KAZN: variants seen among roughly 807,000 people sequenced by gnomAD.
The protein encoded by KAZN is kazrin, periplakin interacting protein, also known as kazrin.
A neutral mutation model predicts 87.4 loss-of-function variants in KAZN; 40 were observed. That is an observed-to-expected ratio of 0.46 (90% CI 0.36 to 0.60). The LOEUF is 0.60. KAZN is among the 20% of genes least tolerant of loss of function. The pLI, the probability that KAZN is intolerant of heterozygous loss-of-function variation, is 0.00. For missense variants in KAZN, 898 were observed against 1,073.9 expected (o/e 0.84, Z 2.29); for synonymous variants, 466 against 458.3 (o/e 1.02, Z -0.22).
intron 8 of KAZN, among the ~76,000 whole-genome samples, chr1:15,090,509 G>A (rs1431379210): frequency 6.6e-6 from 1 of 152,236 alleles, no homozygotes; most frequent in Non-Finnish European, 1.5e-5. Flanking sequence ...CTGCCGGCCT[G>A]CACCCCGGCC....
chr1:14,980,051 G>A lies in KAZN; in HGVS notation c.418+19176G>A, dbSNP rs561036271. ...CTACAGTTGCAAGCCACCACACCTG[G>A]CTAATTTTTGTATTTTTAGTAGAGA... On this transcript the variant is annotated intron_variant, in intron 2 of 14. Transcript: ENST00000376030. Among the ~76,000 whole-genome samples, 15 of 152,046 alleles carry A rather than the reference G, an allele frequency of 9.9e-5. No homozygotes were observed. The South Asian group carries it at 1.7e-3, about 17-fold the overall frequency.
At chr1:14,774,171 G>A (rs1271846852) in intron 1 of KAZN, among the ~76,000 whole-genome samples, 1 of 152,176 alleles carries the variant, frequency 6.6e-6, no homozygotes, top group Non-Finnish European at 1.5e-5. Context: ...TCCCCAAGAG[G>A]CAGTCTGGGG....
At chr1:14,967,770 C>T (rs1329545967) in intron 2 of KAZN, among the ~76,000 whole-genome samples, 2 of 152,216 alleles carry the variant, frequency 1.3e-5, no homozygotes, top group Non-Finnish European at 2.9e-5. Flanking sequence ...CTGGGAAAGA[C>T]AAGGAAACAG....
chr1:14,135,372 C>T (rs1025402747), intron 1 of KAZN, among the ~76,000 whole-genome samples: 1 of 152,124 alleles, frequency 6.6e-6, no homozygotes, highest in Non-Finnish European at 1.5e-5. Context: ...TTAGTCTTAG[C>T]GAGGCTTTGA....
chr1:14,550,724 T>TCTCTCTCTCC (rs1673449983), intron 2 of KAZN, among the ~76,000 whole-genome samples: 1 of 81,778 alleles, frequency 1.2e-5, no homozygotes, highest in Non-Finnish European at 2.9e-5. Context: ...TCTCTCTCTC[T>TCTCTCTCTCC]CTCTCTCTCT....
intron 1 of KAZN, among the ~76,000 whole-genome samples, chr1:14,941,460 TG>T (rs1380235156): frequency 2.7e-5 from 4 of 147,604 alleles, no homozygotes; most frequent in Non-Finnish European, 1.5e-5. Context: ...TGCCGACCAT[TG>T]GAAAAAGGAG....
At chr1:14,031,105 C>A (rs762382543) in intron 1 of KAZN, among the ~76,000 whole-genome samples, 14 of 152,128 alleles carry the variant, frequency 9.2e-5, no homozygotes, top group African/African-American at 3.1e-4. Flanking sequence ...GCACCACCAA[C>A]CTGTAGTACT....
Position 14,565,127 on chromosome 1 carries a change from A to AC in KAZN, c.250-33852dup, listed in dbSNP as rs200798010. Reference sequence around the variant, plus strand: ...TAGAGCATTACCCATACAGTTGGAGACCCCTAGGTATCTTCCCTAATTGTA... The same window carrying AC: ...TAGAGCATTACCCATACAGTTGGAGACCCCCTAGGTATCTTCCCTAATTGTA... On this transcript the variant is annotated intron_variant, in intron 2 of 16. Coordinates refer to the KAZN transcript ENST00000636203. 8.5e-3 allele frequency among the ~76,000 whole-genome samples: 1,301 copies of AC among 152,204 alleles called. 7 individuals are homozygous for AC. The highest frequency in any genetic ancestry group is 0.013 in the Non-Finnish European group (913 of 67,988).
At chr1:14,836,486 A>C (rs937068723) in intron 1 of KAZN, among the ~76,000 whole-genome samples, 6 of 152,212 alleles carry the variant, frequency 3.9e-5, no homozygotes, top group Non-Finnish European at 7.3e-5. Context: ...AGAGTGACAG[A>C]GGTTCCAGGT....
chr1:15,110,970 T>A (rs1046441548), intron 13 of KAZN, among the ~76,000 whole-genome samples: 1 of 152,230 alleles, frequency 6.6e-6, no homozygotes, highest in African/African-American at 2.4e-5. Context: ...TACCTGAGTT[T>A]ACATTTTTTG....
chr1:14,159,735 G>A (rs2101822212), intron 1 of KAZN, among the ~76,000 whole-genome samples: 1 of 152,330 alleles, frequency 6.6e-6, no homozygotes, highest in African/African-American at 2.4e-5. Context: ...AAACCAGCAA[G>A]TCTCAGGGTC....
intron 2 of KAZN, among the ~76,000 whole-genome samples, chr1:14,218,890 G>A (rs969312458): frequency 2.7e-5 from 2 of 74,146 alleles, no homozygotes; most frequent in African/African-American, 1.2e-4. Context: ...TAAATTAATA[G>A]ATCTAGGCAT....
intron 1 of KAZN, among the ~76,000 whole-genome samples, chr1:14,661,475 A>C (rs1382997456): frequency 6.6e-6 from 1 of 152,138 alleles, no homozygotes; most frequent in Admixed American, 6.5e-5. Context: ...TGCACTATTC[A>C]ACTCTGCTGT....
In KAZN at chr1:14,184,131, G is replaced by A. The variant is rs1219828850; in HGVS notation, c.249+3539G>A. Among the ~76,000 whole-genome samples, 8 of 152,170 alleles carry A rather than the reference G, an allele frequency of 5.3e-5. No homozygotes were observed. The highest frequency in any genetic ancestry group is 4.2e-4 in the South Asian group (2 of 4,808). On this transcript the variant is annotated intron_variant, in intron 2 of 16. Coordinates refer to the KAZN transcript ENST00000636203. The surrounding 1 kb of genome is among the most constrained non-coding windows in gnomAD (Gnocchi z 4.2). ...TCTCGAACAAAGTCCATCGTTAGGC[G>A]GAAAAGACCTGAAATTTGCTTTACT... is the stretch of plus-strand genomic sequence containing the variant.
chr1:14,105,190 G>T (rs535955809), intron 1 of KAZN, among the ~76,000 whole-genome samples: 36 of 152,284 alleles, frequency 2.4e-4, no homozygotes, highest in African/African-American at 8.7e-4. Context: ...TCAAATAGTC[G>T]CATGAATAAG....
intron 2 of KAZN, among the ~76,000 whole-genome samples, chr1:14,331,170 G>T (rs938374436): frequency 1.3e-5 from 2 of 152,108 alleles, no homozygotes; most frequent in Non-Finnish European, 2.9e-5. Context: ...TGTGGAAGTG[G>T]TGGTTTTGGG....
intron 2 of KAZN, among the ~76,000 whole-genome samples, chr1:14,964,876 G>A (rs74060005): frequency 0.015 from 2,262 of 152,268 alleles, 49 homozygotes; most frequent in African/African-American, 0.048. Flanking sequence ...CAACACAAAA[G>A]CAATGGAAAG....
chr1:14,982,855 G>GC (rs1421456486), intron 2 of KAZN, among the ~76,000 whole-genome samples: 3 of 152,168 alleles, frequency 2.0e-5, no homozygotes, highest in Non-Finnish European at 4.4e-5. Flanking sequence ...TCTTCCTGTG[G>GC]CCCGAGAGCC....
At chr1:14,434,050 T>C (rs1666235975) in intron 2 of KAZN, among the ~76,000 whole-genome samples, 1 of 151,654 alleles carries the variant, frequency 6.6e-6, no homozygotes, top group Non-Finnish European at 1.5e-5. Flanking sequence ...TGTTGGAACA[T>C]AACTTGATGT....
Sources: allele counts gnomAD v4.1 joint callset (sites outside exome capture counted in the v4.1 genomes callset), GRCh38; gene constraint gnomAD v4.1.1; non-coding constraint Gnocchi (gnomAD v3.1); transcripts MANE v1.5; gene names NCBI Gene and HGNC (gene_info 2026-07-23, HGNC 2026-07-21).